Variants in GPC5 observed in about 807,000 individuals in gnomAD.
GPC5 encodes the protein glypican-5.
A neutral mutation model predicts 53.9 loss-of-function variants in GPC5; 47 were observed. The ratio of observed to expected loss-of-function variants is 0.87; its 90% confidence interval spans 0.69 to 1.11. GPC5 has a LOEUF of 1.11. Among genes scored for constraint, GPC5 ranks in the 50% most tolerant of loss-of-function variants. The pLI is 0.00. For synonymous variants in GPC5, 286 were observed against 263.3 expected (o/e 1.09, Z -0.84); for missense variants, 748 against 713.1 (o/e 1.05, Z -0.56).
At chr13:92,838,099 T>C (rs533547038) in intron 7 of GPC5, among the ~76,000 whole-genome samples, 1 of 144,868 alleles carries the variant, frequency 6.9e-6, no homozygotes, top group Non-Finnish European at 1.5e-5. Context: ...AAAAAAAAAA[T>C]TAAAAAGTCA....
Position 92,360,757 on chromosome 13 carries a change from G to C in GPC5, c.1561+215768G>C, listed in dbSNP as rs563503308. On this transcript the variant is annotated intron_variant, in intron 7 of 7. Transcript: ENST00000377067. ...TAGTCTTAGCCCAAAAGTTACTTCA[G>C]CTCATAAACAACTTCAGCGAAGTTT... Among the ~76,000 whole-genome samples, 367 of 151,852 alleles carry C rather than the reference G, an allele frequency of 2.4e-3. 4 individuals carry two copies. The highest frequency in any genetic ancestry group is 4.7e-3 in the Non-Finnish European group (323 of 68,008).
intron 6 of GPC5, among the ~76,000 whole-genome samples, chr13:92,020,734 C>T (rs1216250643): frequency 6.9e-6 from 1 of 145,036 alleles, no homozygotes; most frequent in Non-Finnish European, 1.5e-5. Flanking sequence ...TGAAGATTAA[C>T]TCCTTAACAA....
intron 5 of GPC5, among the ~76,000 whole-genome samples, chr13:91,837,568 T>A (rs1566295444): frequency 6.6e-6 from 1 of 152,130 alleles, no homozygotes; most frequent in East Asian, 1.9e-4. Context: ...ACAAAGAGGC[T>A]CTAGCCTGTT....
intron 7 of GPC5, among the ~76,000 whole-genome samples, chr13:92,400,014 A>G (rs1384462341): frequency 6.6e-6 from 1 of 152,164 alleles, no homozygotes; most frequent in Non-Finnish European, 1.5e-5. Context: ...GAAAAAGATC[A>G]TTCAAATTTG....
Position 92,862,667 on chromosome 13 carries a change from A to T in GPC5, c.1562-3615A>T, listed in dbSNP as rs552863684. 1.1e-4 allele frequency among the ~76,000 whole-genome samples: 17 copies of T among 150,598 alleles called. No individual in the cohort carries two copies. The East Asian group carries it at 3.3e-3, about 29-fold the overall frequency. ...TAGATAGATAGATAGATAGATAGAT[A>T]GATTTGACTCGTCTAAGTGTGAAGG... On this transcript the variant is annotated intron_variant, in intron 7 of 7. Transcript: ENST00000377067.
chr13:91,684,177 T>A (rs753442901), intron 2 of GPC5, among the ~76,000 whole-genome samples: 23 of 152,196 alleles, frequency 1.5e-4, no homozygotes, highest in Non-Finnish European at 3.1e-4. Flanking sequence ...TGCTGGTTAC[T>A]CTTCTTTTCC....
intron 6 of GPC5, among the ~76,000 whole-genome samples, chr13:92,094,496 G>C (rs1377755863): frequency 7.4e-6 from 1 of 134,570 alleles, no homozygotes; most frequent in African/African-American, 2.9e-5. Flanking sequence ...ACTCCAGCCT[G>C]GGCGAAAGAG....
chr13:92,174,675 C>A (rs1488085184), intron 7 of GPC5, among the ~76,000 whole-genome samples: 1 of 152,164 alleles, frequency 6.6e-6, no homozygotes, highest in Non-Finnish European at 1.5e-5. Context: ...TTATTGAGCA[C>A]CTTGCTGGGC....
chr13:92,327,792 T>C (rs1411241638), intron 7 of GPC5, among the ~76,000 whole-genome samples: 1 of 152,140 alleles, frequency 6.6e-6, no homozygotes, highest in Admixed American at 6.6e-5. Flanking sequence ...TTATTTTGTC[T>C]CCAAACCACA....
chr13:92,307,716 A>C (rs946883990), intron 7 of GPC5, among the ~76,000 whole-genome samples: 1 of 152,214 alleles, frequency 6.6e-6, no homozygotes, highest in East Asian at 1.9e-4. Flanking sequence ...CTCCTGAAAA[A>C]TGAATGAGGT....
At chr13:91,436,349 C>A (rs982615505) in intron 1 of GPC5, among the ~76,000 whole-genome samples, 2 of 151,738 alleles carry the variant, frequency 1.3e-5, no homozygotes, top group Admixed American at 6.6e-5. Context: ...CCTCTACACA[C>A]TGCTTTGAAT....
chr13:91,444,211 T>G (rs1179573624), intron 1 of GPC5, among the ~76,000 whole-genome samples: 21 of 152,176 alleles, frequency 1.4e-4, no homozygotes, highest in Non-Finnish European at 2.9e-5. Flanking sequence ...AATTATTTTC[T>G]TTTATCTTTA....
chr13:92,837,397 C>G (rs561739872), intron 7 of GPC5, among the ~76,000 whole-genome samples: 1 of 151,994 alleles, frequency 6.6e-6, no homozygotes, highest in Non-Finnish European at 1.5e-5. Context: ...ACTGGAGAGG[C>G]GACAATTCAG....
chr13:91,713,399 C>T (rs983394178), intron 3 of GPC5, among the ~76,000 whole-genome samples: 3 of 151,186 alleles, frequency 2.0e-5, no homozygotes, highest in Non-Finnish European at 4.4e-5. Flanking sequence ...TGTATCTTCT[C>T]TTCATCATTT....
At chr13:91,445,218 C>G (rs1180307927) in intron 1 of GPC5, among the ~76,000 whole-genome samples, 1 of 152,140 alleles carries the variant, frequency 6.6e-6, no homozygotes, top group Non-Finnish European at 1.5e-5. Context: ...ATCCAGATTG[C>G]TAGTATTATT....
chr13:92,515,840 A>G (rs1468376054), intron 7 of GPC5, among the ~76,000 whole-genome samples: 1 of 152,176 alleles, frequency 6.6e-6, no homozygotes, highest in Non-Finnish European at 1.5e-5. Context: ...TTGTTCTAAA[A>G]CATGAAAATA....
At chr13:92,055,042 TG>T (rs2041063455) in intron 6 of GPC5, among the ~76,000 whole-genome samples, 1 of 152,196 alleles carries the variant, frequency 6.6e-6, no homozygotes, top group African/African-American at 2.4e-5. Context: ...ATTTCTCTAT[TG>T]TTGTATTCTA....
At chr13:92,280,836 G>A (rs1022608255) in intron 7 of GPC5, among the ~76,000 whole-genome samples, 14 of 152,128 alleles carry the variant, frequency 9.2e-5, no homozygotes, top group African/African-American at 3.1e-4. Flanking sequence ...CAGAAGACGG[G>A]TAATTTCTGC....
intron 7 of GPC5, among the ~76,000 whole-genome samples, chr13:92,605,584 T>A (rs1030550639): frequency 1.7e-4 from 26 of 149,118 alleles, no homozygotes; most frequent in South Asian, 4.2e-4. Flanking sequence ...TAGTTTTTTT[T>A]TTTTTTTTAT....
Sources: allele counts gnomAD v4.1 joint callset (sites outside exome capture counted in the v4.1 genomes callset), GRCh38; gene constraint gnomAD v4.1.1; transcripts MANE v1.5; gene names NCBI Gene and HGNC (gene_info 2026-07-23, HGNC 2026-07-21).